Variants in FLT1 observed in about 807,000 individuals in gnomAD.
The protein encoded by FLT1 is vascular endothelial growth factor receptor 1.
FLT1 carries 49 observed loss-of-function variants against 156.3 expected under a neutral mutation model. That is an observed-to-expected ratio of 0.31 (90% CI 0.25 to 0.40). The LOEUF (loss-of-function observed/expected upper bound fraction) is 0.40, where lower values mean the gene tolerates loss of function less well. Ranked by LOEUF, FLT1 falls within the 10% of genes least tolerant of loss-of-function variation. The pLI, the probability that FLT1 is intolerant of heterozygous loss-of-function variation, is 1.00. For missense variants in FLT1, 1,322 were observed against 1,637.2 expected (o/e 0.81, Z 3.32); for synonymous variants, 594 against 583.8 (o/e 1.02, Z -0.25).
chr13:28,353,225 C>T (rs1028817511), intron 15 of FLT1, among the ~76,000 whole-genome samples: 4 of 152,192 alleles, frequency 2.6e-5, no homozygotes, highest in Admixed American at 2.6e-4. Context: ...GTTGTCTTCT[C>T]CTATGTACTT....
chr13:28,483,364 AACAGTGGATTTTTACAT>A (rs1004860282), intron 1 of FLT1, among the ~76,000 whole-genome samples: 44 of 152,290 alleles, frequency 2.9e-4, no homozygotes, highest in African/African-American at 1.0e-3. Context: ...ATAAAAATCC[AACAGTGGATTTTTACAT>A]ACATAGACAC....
rs184465583 is a variant in FLT1 at position 28,374,808 on chromosome 13, C to T, written c.2116+10077G>A. Among the ~76,000 whole-genome samples the T allele has an allele frequency of 8.8e-4, 134 of 152,180 alleles. 1 individual carries two copies. The South Asian group carries it at 8.9e-3, about 10-fold the overall frequency. On this transcript the variant is annotated intron_variant, in intron 14 of 29. Coordinates refer to ENST00000282397, the MANE Select transcript of FLT1 (RefSeq NM_002019.4). ...GATTACAGTTGTGAGCCACCGTGCC[C>T]GGCCCTCCTATTTCTTATGTCCTAA... is the stretch of plus-strand genomic sequence containing the variant.
chr13:28,409,136 G>C (rs1173232425), intron 10 of FLT1, among the ~76,000 whole-genome samples: 3 of 152,120 alleles, frequency 2.0e-5, no homozygotes, highest in Non-Finnish European at 4.4e-5. Flanking sequence ...TTCTTCTCTT[G>C]ACACATTATG....
chr13:28,390,042 G>A lies in FLT1; in HGVS notation c.1723C>T (p.Leu575=), dbSNP rs1252866124. The A allele has an allele frequency of 6.2e-7, 1 of 1,614,066 alleles. No individual in the cohort carries two copies. The highest frequency in any genetic ancestry group is 1.3e-5 in the African/African-American group (1 of 74,932). ...KMPTEGEDLK[L]SCTVNKFLYR... The stretch of plus-strand genomic sequence containing the variant: ...AAGAACTTGTTAACTGTGCAAGACA[G>A]TTTCAGGTCCTCTCCTTCCGTCGGC... The change falls in exon 13 of 30, where the codon CTG becomes TTG. Residue 575 remains leucine (L), a synonymous_variant. Coordinates refer to ENST00000282397, the MANE Select transcript of FLT1 (RefSeq NM_002019.4).
intron 14 of FLT1, among the ~76,000 whole-genome samples, chr13:28,379,384 G>T (rs1873980879): frequency 6.6e-6 from 1 of 152,166 alleles, no homozygotes; most frequent in Non-Finnish European, 1.5e-5. Context: ...GAATAACGTA[G>T]TGAGAGGAAA....
At chr13:28,347,320 C>G (rs993689771) in intron 15 of FLT1, among the ~76,000 whole-genome samples, 4 of 151,062 alleles carry the variant, frequency 2.6e-5, no homozygotes, top group African/African-American at 9.8e-5. Flanking sequence ...GTCAGGAGTT[C>G]AAAACCAGCC....
chr13:28,335,287 A>G (rs1872076156), intron 17 of FLT1, among the ~76,000 whole-genome samples: 2 of 152,146 alleles, frequency 1.3e-5, no homozygotes, highest in African/African-American at 2.4e-5. Context: ...TAAAACTATT[A>G]TAAATCCTGG....
chr13:28,345,169 T>C (rs1479775285), intron 16 of FLT1, among the ~76,000 whole-genome samples: 1 of 152,142 alleles, frequency 6.6e-6, no homozygotes, highest in Non-Finnish European at 1.5e-5. Context: ...CACACTGACT[T>C]TAAAGACTCT....
intron 1 of FLT1, among the ~76,000 whole-genome samples, chr13:28,479,154 TA>T (rs969527640): frequency 3.3e-5 from 5 of 152,288 alleles, no homozygotes; most frequent in African/African-American, 1.2e-4. Flanking sequence ...ACCAATAATA[TA>T]TACAAACCCT....
rs78780968 is a variant in FLT1, at chr13:28,334,944, A to G, written c.2489-815T>C. ...AGAACCTAACTTGGTGCCTGGTGCT[A>G]TCTGTTATTACTGAATATTGCTGCA... is the stretch of plus-strand genomic sequence containing the variant. On this transcript the variant is annotated intron_variant, in intron 17 of 29. Transcript: ENST00000282397. 5.7e-3 allele frequency among the ~76,000 whole-genome samples: 864 copies of G among 152,146 alleles called. 1 individual carries two copies. The highest frequency in any genetic ancestry group is 9.1e-3 in the Non-Finnish European group (621 of 67,990).
At chr13:28,328,071 C>G (rs1807207634) in intron 19 of FLT1, among the ~76,000 whole-genome samples, 1 of 152,162 alleles carries the variant, frequency 6.6e-6, no homozygotes, top group Admixed American at 6.5e-5. Context: ...TTGTAAAGGT[C>G]CAGCTAGTAA....
At chr13:28,483,294 C>T (rs1469924980) in intron 1 of FLT1, among the ~76,000 whole-genome samples, 2 of 152,278 alleles carry the variant, frequency 1.3e-5, no homozygotes, top group East Asian at 3.9e-4. Context: ...TCCCTGCCTC[C>T]CCATCTGTTT....
At chr13:28,367,174 G>A (rs79425948) in intron 14 of FLT1, among the ~76,000 whole-genome samples, 3 of 152,278 alleles carry the variant, frequency 2.0e-5, no homozygotes, top group African/African-American at 7.2e-5. Context: ...ATAAAATTCT[G>A]TCAGTTAATT....
rs1224833912 is a variant in FLT1, at chr13:28,394,249, G to A, written c.1660+2711C>T. ...AGGGAAAGTATATTCCAGGCAATGA[G>A]GGCTTGGTTGACTGGACTTGTGTCA... On this transcript the variant is annotated intron_variant, in intron 12 of 29. Coordinates refer to ENST00000282397, the MANE Select transcript of FLT1 (RefSeq NM_002019.4). Among the ~76,000 whole-genome samples, 5 of 152,298 alleles carry A rather than the reference G, an allele frequency of 3.3e-5. No individual in the cohort carries two copies. In the East Asian group the frequency reaches 9.6e-4, roughly 29 times the overall value.
chr13:28,340,012 C>G (rs1329445024), intron 16 of FLT1, among the ~76,000 whole-genome samples: 1 of 152,076 alleles, frequency 6.6e-6, no homozygotes, highest in East Asian at 1.9e-4. Flanking sequence ...GTTAGGAGTT[C>G]AAGACCAGGC....
At chr13:28,340,171 C>T (rs1462775663) in intron 16 of FLT1, among the ~76,000 whole-genome samples, 1 of 151,056 alleles carries the variant, frequency 6.6e-6, no homozygotes, top group African/African-American at 2.4e-5. Context: ...GCCAAGATGG[C>T]ACCACTGCAC....
intron 27 of FLT1, among the ~76,000 whole-genome samples, chr13:28,311,030 C>T (rs1870980479): frequency 6.6e-6 from 1 of 152,142 alleles, no homozygotes; most frequent in Admixed American, 6.6e-5. Flanking sequence ...TAATCATAGC[C>T]CACTGCAGCC....
chr13:28,300,521 C>CCACACACCCACACA lies in FLT1; in HGVS notation c.*2645_*2646insTGTGTGGGTGTGTG, dbSNP rs58634271. The stretch of plus-strand genomic sequence containing the variant: ...AGTTATGCACAAAACACACATACAC[C>CCACACACCCACACA]CACACACACACACACACACACACAC... On this transcript the variant is annotated 3_prime_UTR_variant, in exon 30 of 30. Coordinates refer to ENST00000282397, the MANE Select transcript of FLT1 (RefSeq NM_002019.4). The CCACACACCCACACA allele has an allele frequency of 3.0e-3, 680 of 225,538 alleles. 5 individuals carry two copies. The highest frequency in any genetic ancestry group is 0.012 in the African/African-American group (512 of 42,828). 14.0% of individuals were successfully genotyped at this position (225,538 alleles called of 1,614,324 possible).
At chr13:28,477,610 A>G (rs1360303811) in intron 1 of FLT1, among the ~76,000 whole-genome samples, 2 of 152,206 alleles carry the variant, frequency 1.3e-5, no homozygotes, top group African/African-American at 4.8e-5. Context: ...ACGAACAGAG[A>G]AAACACTCTT....
Sources: allele counts gnomAD v4.1 joint callset (sites outside exome capture counted in the v4.1 genomes callset), GRCh38; gene constraint gnomAD v4.1.1; transcripts MANE v1.5; gene names NCBI Gene and HGNC (gene_info 2026-07-23, HGNC 2026-07-21).